The following SLC25A21 variants were observed in gnomAD, a reference collection of about 807,000 sequenced individuals.
SLC25A21 encodes solute carrier family 25 member 21, also known as mitochondrial 2-oxodicarboxylate carrier.
In SLC25A21, 47 loss-of-function variants were observed where a neutral mutation model predicts 43.8. The ratio of observed to expected loss-of-function variants is 1.07; its 90% CI spans 0.85 to 1.37. The LOEUF is 1.37. Ranked by LOEUF, SLC25A21 falls within the 40% of genes most tolerant of loss-of-function variation. The pLI is 0.00. For synonymous variants in SLC25A21, 131 were observed against 121.3 expected (o/e 1.08, Z -0.52); for missense variants, 352 against 350.2 (o/e 1.00, Z -0.04).
At chr14:37,037,503 A>C (rs2138777723) in intron 1 of SLC25A21, among the ~76,000 whole-genome samples, 1 of 152,336 alleles carries the variant, frequency 6.6e-6, no homozygotes, top group South Asian at 2.1e-4. Context: ...CTTGAAATTT[A>C]TCAATTGAGT....
chr14:37,155,581 A>G (rs867856138), intron 1 of SLC25A21, among the ~76,000 whole-genome samples: 3 of 152,196 alleles, frequency 2.0e-5, no homozygotes, highest in Admixed American at 6.5e-5. Context: ...CCATCAAACT[A>G]ACAGTGAATT....
At chr14:37,090,708 A>C (rs1409463235) in intron 1 of SLC25A21, among the ~76,000 whole-genome samples, 1 of 152,210 alleles carries the variant, frequency 6.6e-6, no homozygotes, top group Non-Finnish European at 1.5e-5. Flanking sequence ...TTTCCTTTCA[A>C]TTAAGAGAAA....
intron 7 of SLC25A21, among the ~76,000 whole-genome samples, chr14:36,708,158 G>T (rs115909616): frequency 6.6e-6 from 1 of 152,170 alleles, no homozygotes; most frequent in African/African-American, 2.4e-5. Flanking sequence ...CCTACTGTAG[G>T]ATACTTTGGA....
At chr14:37,077,291 A>C (rs1248129554) in intron 1 of SLC25A21, among the ~76,000 whole-genome samples, 1 of 152,224 alleles carries the variant, frequency 6.6e-6, no homozygotes, top group East Asian at 1.9e-4. Context: ...GAAAAAATTC[A>C]ATGGAAACAG....
rs561525500 is a variant in SLC25A21, at chr14:36,724,577, C to G, written c.438+993G>C. ...GGAATGCCAATCCCCTTGTTTTCCT[C>G]CTACCTTGTGCCTGGCACCCAAAAG... On this transcript the variant is annotated intron_variant, in intron 6 of 9. Coordinates refer to ENST00000331299, the MANE Select transcript of SLC25A21 (RefSeq NM_030631.4). 3.9e-5 allele frequency among the ~76,000 whole-genome samples: 6 copies of G among 152,358 alleles called. No homozygotes were observed. The South Asian group carries it at 1.2e-3, about 32-fold the overall frequency.
At chr14:36,747,070 C>T (rs886446938) in intron 3 of SLC25A21, among the ~76,000 whole-genome samples, 2 of 152,118 alleles carry the variant, frequency 1.3e-5, no homozygotes, top group African/African-American at 4.8e-5. Context: ...AATTCATATA[C>T]CCAGACATGA....
At chr14:36,712,668 C>T (rs1883935979) in intron 6 of SLC25A21, among the ~76,000 whole-genome samples, 1 of 152,252 alleles carries the variant, frequency 6.6e-6, no homozygotes, top group South Asian at 2.1e-4. Context: ...CAACTTCATC[C>T]ATTAATTTAA....
chr14:36,720,810 T>C (rs1884341553), intron 6 of SLC25A21, among the ~76,000 whole-genome samples: 1 of 152,234 alleles, frequency 6.6e-6, no homozygotes, highest in Non-Finnish European at 1.5e-5. Context: ...TAAACAGATA[T>C]CCAGCTACTG....
intron 7 of SLC25A21, among the ~76,000 whole-genome samples, chr14:36,691,481 G>T (rs1208222502): frequency 6.6e-6 from 1 of 152,104 alleles, no homozygotes; most frequent in East Asian, 1.9e-4. Context: ...ACTGTTTCTT[G>T]TACTTAATTG....
intron 3 of SLC25A21, among the ~76,000 whole-genome samples, chr14:36,762,459 T>A (rs1254402876): frequency 6.6e-6 from 1 of 152,190 alleles, no homozygotes; most frequent in African/African-American, 2.4e-5. Context: ...ACGGCAGCCA[T>A]GAGATCTGCC....
intron 2 of SLC25A21, among the ~76,000 whole-genome samples, chr14:36,846,775 T>C (rs1467649492): frequency 6.6e-6 from 1 of 152,188 alleles, no homozygotes; most frequent in Non-Finnish European, 1.5e-5. Flanking sequence ...ACAGGTCTAG[T>C]CCTGGTGACA....
At chr14:36,907,479 G>C (rs1006730838) in intron 1 of SLC25A21, among the ~76,000 whole-genome samples, 1 of 151,936 alleles carries the variant, frequency 6.6e-6, no homozygotes, top group South Asian at 2.1e-4. Flanking sequence ...AGAACTAACC[G>C]ACACAAACGA....
chr14:36,954,571 TATA>T (rs1959284244), intron 1 of SLC25A21, among the ~76,000 whole-genome samples: 1 of 152,048 alleles, frequency 6.6e-6, no homozygotes. Flanking sequence ...ATGTATCATG[TATA>T]ATATGATGTT....
At position 36,678,674 on chromosome 14, in the gene SLC25A21, G is replaced by A; in HGVS notation, c.*1984C>T. On this transcript the variant is annotated 3_prime_UTR_variant, in exon 10 of 10. Coordinates refer to ENST00000331299, the MANE Select transcript of SLC25A21 (RefSeq NM_030631.4). ...GGGCTTTAAAAAATATTACTTGCTTGTGTGGAAATGCAAATAATGTTATTT... is the reference window on the plus strand; with the variant it reads ...GGGCTTTAAAAAATATTACTTGCTTATGTGGAAATGCAAATAATGTTATTT... 1 of 1,255,798 alleles carries A rather than the reference G, an allele frequency of 8.0e-7. No homozygotes were observed. Among genetic ancestry groups the A allele is most frequent in the Non-Finnish European group, 1.0e-6 (1 of 1,000,044 alleles). 77.8% of individuals were successfully genotyped at this position (1,255,798 alleles called of 1,614,324 possible).
intron 1 of SLC25A21, among the ~76,000 whole-genome samples, chr14:36,961,143 T>C (rs989318647): frequency 4.6e-5 from 7 of 152,054 alleles, no homozygotes; most frequent in Non-Finnish European, 1.0e-4. Flanking sequence ...CCAGAGCATC[T>C]GATTCTGAAA....
chr14:37,099,465 CTT>C (rs1409054060), intron 1 of SLC25A21, among the ~76,000 whole-genome samples: 1 of 152,090 alleles, frequency 6.6e-6, no homozygotes, highest in Non-Finnish European at 1.5e-5. Context: ...CCTCCTGGGT[CTT>C]TTTAAGGGCT....
intron 3 of SLC25A21, among the ~76,000 whole-genome samples, chr14:36,743,560 C>A (rs182748685): frequency 1.3e-5 from 2 of 152,046 alleles, no homozygotes; most frequent in Non-Finnish European, 2.9e-5. Flanking sequence ...ATATATGACA[C>A]ACCCACAGCC....
intron 1 of SLC25A21, among the ~76,000 whole-genome samples, chr14:36,954,866 T>C (rs937009280): frequency 2.0e-5 from 3 of 152,270 alleles, no homozygotes; most frequent in South Asian, 2.1e-4. Flanking sequence ...GCACAAATTC[T>C]AGGCATCCTT....
At chr14:36,754,714 C>A (rs1280660167) in intron 3 of SLC25A21, among the ~76,000 whole-genome samples, 3 of 139,086 alleles carry the variant, frequency 2.2e-5, no homozygotes, top group African/African-American at 5.8e-5. Context: ...CACGAACATA[C>A]AAAAGACAGT....
Sources: gnomAD v4.1 joint callset for allele counts (sites outside exome capture counted in the v4.1 genomes callset) on GRCh38, gnomAD v4.1.1 for gene constraint, MANE v1.5 for transcripts, NCBI Gene and HGNC (gene_info 2026-07-23, HGNC 2026-07-21) for gene names.